The following ARMC2 variants were observed in gnomAD, a reference collection of about 807,000 sequenced individuals.
ARMC2 encodes armadillo repeat containing 2, also known as armadillo repeat-containing protein 2.
ARMC2 carries 67 observed loss-of-function variants against 90.3 expected under a neutral mutation model. That is an observed-to-expected ratio of 0.74 (90% CI 0.61 to 0.91). The LOEUF (loss-of-function observed/expected upper bound fraction) is 0.91. ARMC2 is among the 40% of genes least tolerant of loss of function. The probability of loss-of-function intolerance (pLI) is 0.00; values close to 1 mark genes in which losing one functional copy is unlikely to be tolerated. For missense variants in ARMC2, 920 were observed against 1,030.9 expected (o/e 0.89, Z 1.47); for synonymous variants, 393 against 393.0 (o/e 1.00, Z 0.00).
chr6:108,897,930 C>T (rs965114248), intron 6 of ARMC2, among the ~76,000 whole-genome samples: 1 of 151,988 alleles, frequency 6.6e-6, no homozygotes, highest in Non-Finnish European at 1.5e-5. Context: ...AGGTATTACA[C>T]ACATTCAATA....
chr6:108,880,512 T>C (rs76778069), intron 5 of ARMC2, among the ~76,000 whole-genome samples: 44 of 152,268 alleles, frequency 2.9e-4, no homozygotes, highest in African/African-American at 9.9e-4. Context: ...CACAGCCTTA[T>C]GGAGAGAGAT....
the ARMC2 span, among the ~76,000 whole-genome samples, chr6:109,010,690 T>C: frequency 6.6e-6 from 1 of 152,218 alleles, no homozygotes; most frequent in Admixed American, 6.5e-5. Context: ...CTATACTGCT[T>C]TTAAAAAATA....
chr6:108,960,034 C>T (rs771695130), intron 13 of ARMC2, among the ~76,000 whole-genome samples: 18 of 152,230 alleles, frequency 1.2e-4, no homozygotes, highest in Non-Finnish European at 2.5e-4. Context: ...GTTGCCCAGG[C>T]CGGTCTGATT....
intron 17 of ARMC2, among the ~76,000 whole-genome samples, chr6:108,972,839 A>ATTT (rs113667720): frequency 2.9e-5 from 4 of 137,844 alleles, no homozygotes; most frequent in African/African-American, 5.4e-5. Context: ...TAATCTTCTG[A>ATTT]TTTTTTTTTT....
intron 11 of ARMC2, 137 bp from the exon 12 acceptor site, chr6:108,936,763 T>TG: frequency 1.4e-6 from 1 of 693,100 alleles, no homozygotes; most frequent in East Asian, 2.7e-5. Flanking sequence ...TCTGAACTGA[T>TG]GTGTAGAGTA....
chr6:108,886,253 G>T (rs530390668), intron 5 of ARMC2, among the ~76,000 whole-genome samples: 1 of 152,194 alleles, frequency 6.6e-6, no homozygotes, highest in East Asian at 1.9e-4. Context: ...TTCCTCCAAA[G>T]TAGGAATAAA....
chr6:108,876,237 C>T lies in ARMC2; in HGVS notation c.558C>T (p.Cys186=). ...GIYLTKSNAI[C]HLKSHPLQLT... is the part of the protein sequence containing the mutation. Reference sequence around the variant, plus strand: ...ATTTAACAAAATCAAATGCTATTTGCCACTTAAAGAGTCACCCACTTCAGC... The same window carrying T: ...ATTTAACAAAATCAAATGCTATTTGTCACTTAAAGAGTCACCCACTTCAGC... The change falls in exon 5 of 18, where the codon TGC becomes TGT. Residue 186 remains cysteine, a synonymous_variant. Coordinates refer to ENST00000392644, the MANE Select transcript of ARMC2 (RefSeq NM_032131.6). 1.2e-6 allele frequency: 2 copies of T among 1,612,492 alleles called. No individual in the cohort carries two copies. Among genetic ancestry groups the T allele is most frequent in the African/African-American group, 2.7e-5 (2 of 74,972 alleles).
At chr6:108,867,882 C>T (rs1410087107) in intron 3 of ARMC2, among the ~76,000 whole-genome samples, 4 of 151,960 alleles carry the variant, frequency 2.6e-5, no homozygotes, top group Non-Finnish European at 5.9e-5. Flanking sequence ...TGCAGTGAGC[C>T]GAGATCGCAC....
Position 108,894,548 on chromosome 6 carries a change from G to A in ARMC2, c.748+5G>A. On this transcript the variant is annotated splice_donor_5th_base_variant and intron_variant, in intron 6 of 17. Transcript: ENST00000392644. Reference sequence around the variant, plus strand: ...GCAGGCTGCAAACCAAAGCAGGTGAGGGGTCCCCACACTCCTTCATCTACA... The same window carrying A: ...GCAGGCTGCAAACCAAAGCAGGTGAAGGGTCCCCACACTCCTTCATCTACA... The A allele has an allele frequency of 6.3e-7, 1 of 1,596,486 alleles. No individual in the cohort carries two copies. The highest frequency in any genetic ancestry group is 1.1e-5 in the South Asian group (1 of 88,900).
intron 7 of ARMC2, 28 bp from the exon 8 acceptor site, chr6:108,904,202 T>C (rs773476059): frequency 6.2e-7 from 1 of 1,609,114 alleles, no homozygotes; most frequent in Non-Finnish European, 8.5e-7. Flanking sequence ...AATTAGTAAG[T>C]GTTGCTTTAC....
the ARMC2 span, chr6:109,008,735 G>A: frequency 4.1e-6 from 4 of 974,602 alleles, no homozygotes; most frequent in African/African-American, 5.3e-5. Context: ...AACACAAAAT[G>A]TTACAATTAA....
chr6:109,010,561 G>A, the ARMC2 span, among the ~76,000 whole-genome samples: 83 of 152,186 alleles, frequency 5.5e-4, no homozygotes, highest in African/African-American at 5.8e-4. Context: ...TGACGCTACC[G>A]TGTCTCAGTG....
At chr6:109,003,862 T>G in the ARMC2 span, among the ~76,000 whole-genome samples, 1 of 152,228 alleles carries the variant, frequency 6.6e-6, no homozygotes, top group Admixed American at 6.5e-5. Context: ...AAACAATACC[T>G]ATTGGACAAA....
At chr6:109,013,537 G>A in the ARMC2 span, among the ~76,000 whole-genome samples, 19 of 152,130 alleles carry the variant, frequency 1.2e-4, no homozygotes, top group Non-Finnish European at 4.4e-5. Flanking sequence ...TCATGACAAG[G>A]AATAGATATA....
chr6:108,895,456 C>T (rs924113659), intron 6 of ARMC2, among the ~76,000 whole-genome samples: 1 of 143,788 alleles, frequency 7.0e-6, no homozygotes, highest in African/African-American at 2.7e-5. Context: ...TGCACTCCAG[C>T]CTGGGCGACA....
At chr6:108,928,051 G>A in intron 10 of ARMC2, 37 bp from the exon 11 acceptor site, 1 of 1,569,268 alleles carries the variant, frequency 6.4e-7, no homozygotes. Flanking sequence ...TATTTTTTCA[G>A]TTCAAAAAAA....
the ARMC2 span, among the ~76,000 whole-genome samples, chr6:108,993,378 T>C: frequency 6.6e-6 from 1 of 152,198 alleles, no homozygotes; most frequent in Non-Finnish European, 1.5e-5. Flanking sequence ...TGACTAAGAC[T>C]TTCTGGACTA....
intron 10 of ARMC2, among the ~76,000 whole-genome samples, chr6:108,920,282 C>T (rs949191516): frequency 4.6e-5 from 7 of 152,218 alleles, no homozygotes; most frequent in Non-Finnish European, 8.8e-5. Flanking sequence ...CTCCACCTCC[C>T]GGGTTCAAGC....
intron 2 of ARMC2, among the ~76,000 whole-genome samples, chr6:108,856,950 A>G (rs1015220093): frequency 5.9e-5 from 9 of 152,110 alleles, no homozygotes; most frequent in Non-Finnish European, 1.0e-4. Flanking sequence ...CACCAGTACT[A>G]TACTGTCTTT....
Sources: allele counts gnomAD v4.1 joint callset (sites outside exome capture counted in the v4.1 genomes callset), GRCh38; gene constraint gnomAD v4.1.1; transcripts MANE v1.5; gene names NCBI Gene and HGNC (gene_info 2026-07-23, HGNC 2026-07-21).